The following HELZ2 variants were observed in gnomAD, a reference collection of about 807,000 sequenced individuals.
The protein encoded by HELZ2 is helicase with zinc finger 2.
In HELZ2, 143 loss-of-function variants were observed where a neutral mutation model predicts 208.8. That is an observed-to-expected ratio of 0.68 (90% confidence interval 0.60 to 0.79). HELZ2 has a LOEUF of 0.79. Among genes scored for constraint, HELZ2 ranks in the 30% least tolerant of loss-of-function variants. The pLI, the probability that HELZ2 is intolerant of heterozygous loss-of-function variation, is 0.00. For synonymous variants in HELZ2, 1,705 were observed against 1,693.7 expected (o/e 1.01, Z -0.16); for missense variants, 3,690 against 3,794.5 (o/e 0.97, Z 0.72).
At position 63,563,976 on chromosome 20, in the gene HELZ2, C is replaced by T. The variant is rs776067170; in HGVS notation, c.4846G>A (p.Glu1616Lys). ...GTGGTGACCAAGTCCACCATCTGTT[C>T]GTAGTCCTGGGTGCGGGCAGCAAAC... Residue 1616 changes from glutamate (E) to lysine (K), a missense_variant, in exon 8 of 19, where the codon GAA (glutamate) becomes AAA (lysine). Glu to Lys is a moderately conservative substitution (Grantham distance 56, BLOSUM62 1). Transcript: ENST00000467148. 5 of 1,601,032 alleles carry T rather than the reference C, an allele frequency of 3.1e-6. No homozygotes were observed. In the Admixed American group the frequency reaches 6.7e-5, roughly 22 times the overall value.
exon 14 of HELZ2, chr20:63,561,151 A>G (rs1415427845): frequency 1.9e-6 from 3 of 1,612,926 alleles, no homozygotes. Flanking sequence ...CTGCCTCGTC[A>G]ACAAGGATCT....
chr20:63,567,462 C>T (rs373797279), exon 6 of HELZ2: 28 of 1,557,472 alleles, frequency 1.8e-5, no homozygotes, highest in East Asian at 1.4e-4. Flanking sequence ...CCCGTGTGGG[C>T]GGGCGGAAAG....
Position 63,570,616 on chromosome 20 carries a change from G to T in HELZ2, c.463-5C>A, listed in dbSNP as rs975264659. The T allele has an allele frequency of 6.2e-7, 1 of 1,606,224 alleles. No individual in the cohort carries two copies. The highest frequency in any genetic ancestry group is 8.5e-7 in the Non-Finnish European group (1 of 1,174,700). ...TCCATCAAGGGTCTCTGCCAGCTGC[G>T]TGGAAGTCTAGCCTTCAGCAAGAGG... is the stretch of plus-strand genomic sequence containing the variant. On this transcript the variant is annotated splice_polypyrimidine_tract_variant and splice_region_variant and intron_variant, in intron 2 of 18. Coordinates refer to ENST00000467148, the Ensembl canonical transcript of HELZ2.
chr20:63,559,640 G>C (rs2082860334), intron 18 of HELZ2, among the ~76,000 whole-genome samples: 1 of 87,904 alleles, frequency 1.1e-5, no homozygotes, highest in Non-Finnish European at 2.7e-5. Context: ...TCAGGTGGGA[G>C]GAGTCAGGGT....
chr20:63,566,707 T>C, intron 6 of HELZ2, 137 bp downstream of exon 7: 1 of 900,768 alleles, frequency 1.1e-6, no homozygotes, highest in South Asian at 1.7e-5. Flanking sequence ...GAGCCCCACC[T>C]CAGCCCTGGG....
chr20:63,561,897 C>G lies in HELZ2; in HGVS notation c.6617G>C (p.Arg2206Pro), dbSNP rs780968139. ...GGGACCCCCCAGCCGCTTCTCCCCA[C>G]GGGGGGGGCCTCCGGGCTGCACCTG... Residue 2206 changes from arginine (R) to proline (P), a missense_variant, in exon 11 of 19, where the codon CGT (arginine) becomes CCT (proline). By Grantham distance (103) the Arg-to-Pro change is moderately radical (BLOSUM62 -2). Around this residue, in one of 3 missense-constraint regions of HELZ2, gnomAD observed 2,564 missense variants for 2,580.5 expected, o/e 0.99. Transcript: ENST00000467148. The G allele has an allele frequency of 8.9e-6, 14 of 1,576,684 alleles. No individual in the cohort carries two copies. In the Admixed American group the frequency reaches 2.6e-4, roughly 29 times the overall value.
chr20:63,566,211 C>T, exon 8 of HELZ2: 1 of 1,495,514 alleles, frequency 6.7e-7, no homozygotes, highest in East Asian at 2.4e-5. Context: ...GTGCTGAGCA[C>T]CACGACCCGG....
intron 18 of HELZ2, 58 bp from the exon 20 acceptor site, chr20:63,559,428 C>A: frequency 6.7e-7 from 1 of 1,493,878 alleles, no homozygotes. Context: ...GAGTCAGGGT[C>A]AGGTGGGAGG....
chr20:63,565,124 T>C (rs2082937017), exon 8 of HELZ2: 2 of 1,574,204 alleles, frequency 1.3e-6, no homozygotes, highest in Non-Finnish European at 8.6e-7. Context: ...CTGCGATGGG[T>C]CCTTCAGCTC....
intron 15 of HELZ2, 45 bp downstream of exon 16, chr20:63,560,750 C>G: frequency 6.2e-7 from 1 of 1,604,986 alleles, no homozygotes; most frequent in East Asian, 2.2e-5. Context: ...GTTGTGGCCC[C>G]CCAGGGGCTG....
At position 63,569,033 on chromosome 20, in the gene HELZ2, A is replaced by G; in HGVS notation, c.1089-34T>C. 3 of 1,597,004 alleles carry G rather than the reference A, an allele frequency of 1.9e-6. No individual in the cohort carries two copies. In the African/African-American group the frequency reaches 4.0e-5, roughly 21 times the overall value. On this transcript the variant is annotated intron_variant, in intron 4 of 18. Coordinates refer to ENST00000467148, the Ensembl canonical transcript of HELZ2. Reference sequence around the variant, plus strand: ...ATGGCCTGGGTCAGCTCATGGGGCCACAGCTGCCAGCCCCGCTGCCAAGTC... The same window carrying G: ...ATGGCCTGGGTCAGCTCATGGGGCCGCAGCTGCCAGCCCCGCTGCCAAGTC...
At chr20:63,563,584 G>C in exon 8 of HELZ2, 1 of 1,530,562 alleles carries the variant, frequency 6.5e-7, no homozygotes, top group South Asian at 1.2e-5. Flanking sequence ...CCGCCTCCAC[G>C]TCCACCACGA....
chr20:63,560,088 C>T, exon 18 of HELZ2: 1 of 1,597,478 alleles, frequency 6.3e-7, no homozygotes, highest in African/African-American at 1.3e-5. Context: ...CATAGCGCCA[C>T]TCGCTCCCTG....
exon 10 of HELZ2, chr20:63,562,163 G>A: frequency 3.1e-6 from 5 of 1,612,004 alleles, no homozygotes; most frequent in Non-Finnish European, 4.2e-6. Flanking sequence ...GGCCTCCGGG[G>A]ATGTTGTAGG....
In HELZ2 at chr20:63,560,704, G is replaced by A. The variant is rs199786443; in HGVS notation, c.7282-7C>T. ...AGGCACAGATGCCCTCATGCTGCAG[G>A]CAAGGATGTGCGCTGGTCAGAGGCT... On this transcript the variant is annotated splice_region_variant and splice_polypyrimidine_tract_variant and intron_variant, in intron 15 of 18. Transcript: ENST00000467148. The A allele has an allele frequency of 3.1e-4, 498 of 1,607,616 alleles. 8 individuals carry two copies. The East Asian group carries it at 0.011, about 36-fold the overall frequency.
intron 5 of HELZ2, chr20:63,567,906 G>A (rs112648688): frequency 7.0e-5 from 43 of 615,154 alleles, no homozygotes; most frequent in African/African-American, 1.7e-4. Context: ...AAATCAGCCC[G>A]GGACGTATGG....
At chr20:63,566,125 G>A in exon 8 of HELZ2, 1 of 1,578,266 alleles carries the variant, frequency 6.3e-7, no homozygotes. Context: ...TCAGGACGGT[G>A]TTGAGCACGC....
At chr20:63,564,114 G>A (rs762667930) in exon 8 of HELZ2, 1 of 1,610,696 alleles carries the variant, frequency 6.2e-7, no homozygotes, top group African/African-American at 1.3e-5. Flanking sequence ...CGGTCCCCAT[G>A]CTTCTCACAC....
Position 63,565,527 on chromosome 20 carries a change from C to T in HELZ2, c.3295G>A (p.Ala1099Thr), listed in dbSNP as rs747724774. The T allele has an allele frequency of 3.5e-5, 56 of 1,606,394 alleles. No individual in the cohort carries two copies. Among genetic ancestry groups the T allele is most frequent in the South Asian group, 6.6e-5 (6 of 91,036 alleles). ...GCCTGCTGCAGGGACTCGGGCCTGG[C>T]GACAGTGTCCAGCAGCCCGTCCTCC... The change falls in exon 8 of 19, where the codon GCC becomes ACC. Residue 1099 changes from alanine (A) to threonine (T), a missense_variant. Ala to Thr is a moderately conservative substitution (Grantham distance 58). Coordinates refer to ENST00000467148, the Ensembl canonical transcript of HELZ2.
Sources: allele counts gnomAD v4.1 joint callset (sites outside exome capture counted in the v4.1 genomes callset), GRCh38; gene constraint gnomAD v4.1.1; regional missense constraint gnomAD v4.1.1; transcripts MANE v1.5; gene names NCBI Gene and HGNC (gene_info 2026-07-23, HGNC 2026-07-21).